CNBD1: variants seen among roughly 807,000 people sequenced by gnomAD.
CNBD1 encodes cyclic nucleotide-binding domain-containing protein 1.
A neutral mutation model predicts 54.4 loss-of-function variants in CNBD1; 71 were observed. That is an observed-to-expected ratio of 1.30 (90% CI 1.08 to 1.59). CNBD1 has a LOEUF of 1.59. Among genes scored for constraint, CNBD1 ranks in the 40% most tolerant of loss-of-function variants. The pLI, the probability that CNBD1 is intolerant of heterozygous loss-of-function variation, is 0.00. For synonymous variants in CNBD1, 182 were observed against 170.7 expected, an observed-to-expected ratio of 1.07 and a Z score of -0.51; for missense variants, 659 against 518.0, an observed-to-expected ratio of 1.27 and a Z score of -2.64.
chr8:86,966,191 G>A (rs2130480799), intron 4 of CNBD1, among the ~76,000 whole-genome samples: 1 of 152,264 alleles, frequency 6.6e-6, no homozygotes, highest in Non-Finnish European at 1.5e-5. Context: ...GAAGGTGGGG[G>A]TTCACTGGGA....
rs1328588348 is a variant in CNBD1, at chr8:87,105,644, A to G, written c.432-100349A>G. ...AGATGGTATTCACTGGGAAAAAAGC[A>G]TGGCCTCCCACCTGACAAAGAGTAT... On this transcript the variant is annotated intron_variant, in intron 4 of 10. Transcript: ENST00000518476. Among the ~76,000 whole-genome samples, 5 of 152,248 alleles carry G rather than the reference A, an allele frequency of 3.3e-5. No homozygotes were observed. The Middle Eastern group carries it at 0.014, about 414-fold the overall frequency.
chr8:87,178,083 A>G (rs930158559), intron 4 of CNBD1, among the ~76,000 whole-genome samples: 5 of 152,346 alleles, frequency 3.3e-5, no homozygotes, highest in South Asian at 2.1e-4. Flanking sequence ...AAGGTGAAAT[A>G]ATAATTCCTT....
intron 4 of CNBD1, among the ~76,000 whole-genome samples, chr8:86,992,267 C>G (rs981915781): frequency 6.6e-6 from 1 of 151,538 alleles, no homozygotes; most frequent in African/African-American, 2.4e-5. Context: ...TAGGTAATGC[C>G]CTTTTTTGTT....
At chr8:87,115,237 A>G (rs1811744561) in intron 4 of CNBD1, among the ~76,000 whole-genome samples, 1 of 152,218 alleles carries the variant, frequency 6.6e-6, no homozygotes, top group Admixed American at 6.5e-5. Context: ...ATTACTTTAG[A>G]CAATAGCAAC....
At chr8:87,075,904 T>C (rs1040527493) in intron 4 of CNBD1, among the ~76,000 whole-genome samples, 4 of 152,222 alleles carry the variant, frequency 2.6e-5, no homozygotes, top group Non-Finnish European at 5.9e-5. Flanking sequence ...GGAAATATTA[T>C]TATCTTTTTA....
At chr8:87,265,580 T>A (rs974249577) in intron 6 of CNBD1, among the ~76,000 whole-genome samples, 3 of 152,226 alleles carry the variant, frequency 2.0e-5, no homozygotes, top group African/African-American at 7.2e-5. Flanking sequence ...TAATAGGAAT[T>A]ATCTGGGGAC....
chr8:87,086,072 A>T (rs551963102), intron 4 of CNBD1, among the ~76,000 whole-genome samples: 1 of 152,238 alleles, frequency 6.6e-6, no homozygotes, highest in African/African-American at 2.4e-5. Context: ...AATTTCAGCA[A>T]TGGGTCTCTC....
chr8:87,241,268 A>AT (rs34829455), intron 6 of CNBD1, among the ~76,000 whole-genome samples: 16,934 of 93,818 alleles, frequency 0.18, 2,196 homozygotes, highest in African/African-American at 0.26. Context: ...TATTTGGAAG[A>AT]TTTTTTTTTT....
chr8:87,219,332 A>T (rs1364043869), intron 5 of CNBD1, among the ~76,000 whole-genome samples: 1 of 152,092 alleles, frequency 6.6e-6, no homozygotes, highest in Non-Finnish European at 1.5e-5. Flanking sequence ...AATGTGGGAC[A>T]TAAATGAAAA....
chr8:87,292,407 T>C (rs1313984995), intron 8 of CNBD1, among the ~76,000 whole-genome samples: 1 of 152,226 alleles, frequency 6.6e-6, no homozygotes, highest in Non-Finnish European at 1.5e-5. Flanking sequence ...GTAGAATCTA[T>C]CAACTAATTT....
intron 10 of CNBD1, among the ~76,000 whole-genome samples, chr8:87,370,234 T>C (rs962660719): frequency 3.3e-5 from 5 of 152,070 alleles, no homozygotes; most frequent in African/African-American, 1.2e-4. Flanking sequence ...GTCCTTTGGG[T>C]ATATACCCAG....
intron 6 of CNBD1, among the ~76,000 whole-genome samples, chr8:87,254,061 C>T (rs951998865): frequency 1.3e-5 from 2 of 152,120 alleles, no homozygotes; most frequent in Admixed American, 6.5e-5. Context: ...TCTAGTAGAA[C>T]TTTGAGATGT....
chr8:87,172,229 G>A (rs1813104047), intron 4 of CNBD1, among the ~76,000 whole-genome samples: 2 of 152,026 alleles, frequency 1.3e-5, no homozygotes. Context: ...TGTGGTCGAA[G>A]AAGATGCTTG....
chr8:87,271,805 C>T (rs1006283109), intron 6 of CNBD1, among the ~76,000 whole-genome samples: 7 of 149,538 alleles, frequency 4.7e-5, no homozygotes, highest in African/African-American at 1.8e-4. Context: ...TATCCACACT[C>T]CTATGCTTAT....
chr8:86,959,299 A>G (rs1347550940), intron 4 of CNBD1, among the ~76,000 whole-genome samples: 1 of 151,998 alleles, frequency 6.6e-6, no homozygotes, highest in Admixed American at 6.6e-5. Context: ...CTTCATTTCA[A>G]TTTTGGTGAA....
At chr8:87,168,075 A>C (rs1313396093) in intron 4 of CNBD1, among the ~76,000 whole-genome samples, 1 of 152,038 alleles carries the variant, frequency 6.6e-6, no homozygotes, top group African/African-American at 2.4e-5. Flanking sequence ...GATCACTGCT[A>C]TATGTGTATC....
In CNBD1 at chr8:87,166,615, T is replaced by G. The variant is rs1812968557; in HGVS notation, c.432-39378T>G. Among the ~76,000 whole-genome samples, 1 of 151,982 alleles carries G rather than the reference T, an allele frequency of 6.6e-6. No individual in the cohort carries two copies. The highest frequency in any genetic ancestry group is 6.6e-5 in the Admixed American group (1 of 15,212). On this transcript the variant is annotated intron_variant, in intron 4 of 10. Transcript: ENST00000518476. The surrounding 1 kb of genome is among the most constrained non-coding windows in gnomAD (Gnocchi z 4.3). ...GTTCATTATTTCCAAAGTCCAGCCC[T>G]TCTCACAGTTCTCTGGCTCTTTCAC...
At chr8:87,405,254 G>A (rs1286790224) in intron 2 of CNBD1, among the ~76,000 whole-genome samples, 1 of 151,778 alleles carries the variant, frequency 6.6e-6, no homozygotes, top group Non-Finnish European at 1.5e-5. Context: ...AATTTCTTAA[G>A]GCCAGTACTT....
intron 4 of CNBD1, among the ~76,000 whole-genome samples, chr8:87,135,898 A>C (rs1450458108): frequency 5.9e-5 from 9 of 152,034 alleles, no homozygotes; most frequent in Non-Finnish European, 1.3e-4. Context: ...TTAGTGGGTT[A>C]AGACAAGGAA....
Sources: allele counts gnomAD v4.1 joint callset (sites outside exome capture counted in the v4.1 genomes callset), GRCh38; gene constraint gnomAD v4.1.1; non-coding constraint Gnocchi (gnomAD v3.1); transcripts MANE v1.5; gene names NCBI Gene and HGNC (gene_info 2026-07-23, HGNC 2026-07-21).